The following TEKTL1 variants were observed in gnomAD, a reference collection of about 807,000 sequenced individuals.
TEKTL1 encodes tektin like 1.
At chr19:15,022,722 G>GTT in the TEKTL1 span, 62,800 of 510,734 alleles carry the variant, frequency 0.12, 492 homozygotes, top group Non-Finnish European at 0.14. Context: ...CCCTGTCGCG[G>GTT]TTTTTTTTTT....
the TEKTL1 span, among the ~76,000 whole-genome samples, chr19:15,017,533 A>T: frequency 7.9e-5 from 12 of 152,262 alleles, no homozygotes; most frequent in South Asian, 2.5e-3. Context: ...AACTCAGAGA[A>T]TAGCAGTCTC....
the TEKTL1 span, chr19:15,011,233 C>A: frequency 0.13 from 193,113 of 1,482,910 alleles, 14,031 homozygotes; most frequent in East Asian, 0.23. Context: ...CGCGCCTCAC[C>A]GCCGCCCGCC....
the TEKTL1 span, chr19:15,020,386 G>C: frequency 7.8e-7 from 1 of 1,280,822 alleles, no homozygotes; most frequent in Non-Finnish European, 1.1e-6. Context: ...CAAGCCTGCA[G>C]CAGAGAAATC....
chr19:15,021,489 G>A, the TEKTL1 span: 3 of 1,614,138 alleles, frequency 1.9e-6, no homozygotes, highest in East Asian at 2.2e-5. Context: ...CCTCGCTGGC[G>A]CAGAAGGCGA....
chr19:15,020,948 C>T, the TEKTL1 span, among the ~76,000 whole-genome samples: 28 of 151,408 alleles, frequency 1.8e-4, no homozygotes, highest in African/African-American at 5.1e-4. Context: ...GGCCTGATCT[C>T]AGCTCACTGC....
the TEKTL1 span, chr19:15,021,501 C>G: frequency 5.6e-6 from 9 of 1,614,088 alleles, no homozygotes; most frequent in Non-Finnish European, 7.6e-6. Flanking sequence ...AGAAGGCGAG[C>G]GAGACCTTGG....
chr19:15,021,125 C>T, the TEKTL1 span, among the ~76,000 whole-genome samples: 1 of 152,248 alleles, frequency 6.6e-6, no homozygotes, highest in Admixed American at 6.5e-5. Context: ...AGGTGATCCA[C>T]CCGCCTCAGC....
the TEKTL1 span, among the ~76,000 whole-genome samples, chr19:15,016,175 G>A: frequency 2.0e-5 from 3 of 148,732 alleles, no homozygotes; most frequent in Admixed American, 6.8e-5. Flanking sequence ...TGCTGAACTG[G>A]ACAGCTGTCC....
the TEKTL1 span, among the ~76,000 whole-genome samples, chr19:15,017,293 G>A: frequency 0.091 from 13,801 of 152,142 alleles, 808 homozygotes; most frequent in South Asian, 0.21. Context: ...GGGTCAGGGA[G>A]GGACAGAGGA....
chr19:15,012,085 G>A, the TEKTL1 span, among the ~76,000 whole-genome samples: 9 of 148,356 alleles, frequency 6.1e-5, no homozygotes, highest in East Asian at 6.0e-4. Context: ...GTGAGACCCC[G>A]TCTCTACAAA....
the TEKTL1 span, among the ~76,000 whole-genome samples, chr19:15,019,965 A>C: frequency 1.3e-5 from 2 of 149,820 alleles, no homozygotes; most frequent in African/African-American, 4.9e-5. Flanking sequence ...CTCAAAACAA[A>C]AAAAAATAAT....
At chr19:15,017,991 T>C in the TEKTL1 span, among the ~76,000 whole-genome samples, 23 of 152,040 alleles carry the variant, frequency 1.5e-4, no homozygotes, top group Non-Finnish European at 2.5e-4. Flanking sequence ...GCCCAGGAGT[T>C]CAACACTAGC....
At chr19:15,014,737 G>GT in the TEKTL1 span, among the ~76,000 whole-genome samples, 1 of 114,802 alleles carries the variant, frequency 8.7e-6, no homozygotes, top group East Asian at 3.1e-4. Context: ...GGGGCGGGGG[G>GT]CGGGGGCTGC....
the TEKTL1 span, among the ~76,000 whole-genome samples, chr19:15,018,584 G>A: frequency 0.088 from 13,138 of 149,828 alleles, 766 homozygotes; most frequent in South Asian, 0.23. Context: ...GTGGTGGCAT[G>A]TGTCTGGTGT....
chr19:15,022,926 T>G, the TEKTL1 span: 1 of 1,609,828 alleles, frequency 6.2e-7, no homozygotes, highest in East Asian at 2.2e-5. Flanking sequence ...CTGGACGAGC[T>G]GCTCGCCACG....
At chr19:15,022,619 G>A in the TEKTL1 span, among the ~76,000 whole-genome samples, 4 of 151,972 alleles carry the variant, frequency 2.6e-5, no homozygotes, top group East Asian at 3.9e-4. Flanking sequence ...GTGAGCCACC[G>A]CGTCCGGCCC....
At chr19:15,020,545 A>C in the TEKTL1 span, 3 of 1,613,860 alleles carry the variant, frequency 1.9e-6, no homozygotes, top group South Asian at 2.2e-5. Context: ...GCCTCTGGAC[A>C]AGGTTCTGGA....
chr19:15,018,272 T>C, the TEKTL1 span, among the ~76,000 whole-genome samples: 1 of 152,156 alleles, frequency 6.6e-6, no homozygotes, highest in African/African-American at 2.4e-5. Flanking sequence ...GAGAATCCTT[T>C]GAACCCGGGA....
the TEKTL1 span, among the ~76,000 whole-genome samples, chr19:15,018,657 G>A: frequency 0.091 from 12,912 of 141,472 alleles, 820 homozygotes; most frequent in South Asian, 0.24. Flanking sequence ...AGGCTGCTGT[G>A]AGCTGTGATC....
Sources: allele counts gnomAD v4.1 joint callset (sites outside exome capture counted in the v4.1 genomes callset), GRCh38; gene constraint gnomAD v4.1.1; transcripts MANE v1.5; gene names NCBI Gene and HGNC (gene_info 2026-07-23, HGNC 2026-07-21).